AGBL4: variants seen among roughly 807,000 people sequenced by gnomAD.
AGBL4 encodes cytosolic carboxypeptidase 6.
Under a neutral mutation model 66.4 loss-of-function variants are expected in AGBL4, and 58 were observed. The ratio of observed to expected loss-of-function variants is 0.87; its 90% confidence interval spans 0.71 to 1.09. AGBL4 has a LOEUF of 1.09. Among genes scored for constraint, AGBL4 ranks in the 50% least tolerant of loss-of-function variants. The pLI, the probability that AGBL4 is intolerant of heterozygous loss-of-function variation, is 0.00. For missense variants in AGBL4, 579 were observed against 631.0 expected, an observed-to-expected ratio of 0.92 and a Z score of 0.88; for synonymous variants, 234 against 222.9, an observed-to-expected ratio of 1.05 and a Z score of -0.44.
chr1:49,612,177 T>C (rs1198979253), intron 3 of AGBL4, among the ~76,000 whole-genome samples: 2 of 152,216 alleles, frequency 1.3e-5, no homozygotes, highest in East Asian at 1.9e-4. Flanking sequence ...ACCTAATCCT[T>C]TAATTTAACA....
intron 2 of AGBL4, among the ~76,000 whole-genome samples, chr1:49,748,062 G>C (rs1295074493): frequency 6.6e-6 from 1 of 151,938 alleles, no homozygotes; most frequent in African/African-American, 2.4e-5. Context: ...TGCAGAACGT[G>C]CAAGTTTGTT....
At chr1:48,789,211 G>A (rs1645478546) in intron 6 of AGBL4, among the ~76,000 whole-genome samples, 1 of 151,882 alleles carries the variant, frequency 6.6e-6, no homozygotes, top group Non-Finnish European at 1.5e-5. Flanking sequence ...TCATCCACTG[G>A]GTGTGTTAAT....
chr1:48,631,316 G>A, intron 9 of AGBL4, among the ~76,000 whole-genome samples: 1 of 152,202 alleles, frequency 6.6e-6, no homozygotes, highest in East Asian at 1.9e-4. Flanking sequence ...AGTCAAATGT[G>A]AATTTGAATC....
chr1:49,039,415 G>A (rs1442355117), intron 5 of AGBL4, among the ~76,000 whole-genome samples: 1 of 152,082 alleles, frequency 6.6e-6, no homozygotes, highest in African/African-American at 2.4e-5. Context: ...GTTAATAACA[G>A]GAGAGGCTAT....
At chr1:48,898,326 T>C (rs1651741222) in intron 5 of AGBL4, among the ~76,000 whole-genome samples, 2 of 152,216 alleles carry the variant, frequency 1.3e-5, no homozygotes, top group South Asian at 4.1e-4. Context: ...CATTTGTCTG[T>C]TTTTGCTTTG....
chr1:49,572,998 T>C (rs564059437), intron 3 of AGBL4, among the ~76,000 whole-genome samples: 1 of 152,290 alleles, frequency 6.6e-6, no homozygotes, highest in South Asian at 2.1e-4. Flanking sequence ...CCCTTGAACA[T>C]CAGACTCCAA....
intron 7 of AGBL4, among the ~76,000 whole-genome samples, chr1:48,660,842 C>CTG (rs33987608): frequency 0.52 from 78,397 of 151,846 alleles, 21,282 homozygotes; most frequent in Middle Eastern, 0.65. Flanking sequence ...GATCAGAACT[C>CTG]AGTTCTTTCA....
At chr1:49,917,552 T>C (rs558504315) in intron 1 of AGBL4, among the ~76,000 whole-genome samples, 6 of 152,216 alleles carry the variant, frequency 3.9e-5, no homozygotes, top group African/African-American at 1.4e-4. Context: ...AATATATATG[T>C]GCCCATTACA....
intron 3 of AGBL4, among the ~76,000 whole-genome samples, chr1:49,520,555 A>C (rs2148799155): frequency 6.6e-6 from 1 of 152,150 alleles, no homozygotes; most frequent in South Asian, 2.1e-4. Context: ...CTTTACCCTG[A>C]ACTTTGAATA....
At chr1:49,692,803 T>A (rs963872223) in intron 3 of AGBL4, among the ~76,000 whole-genome samples, 23 of 152,234 alleles carry the variant, frequency 1.5e-4, no homozygotes, top group Admixed American at 7.2e-4. Context: ...TATGTGTGCA[T>A]GTGTATGTTT....
At chr1:49,797,030 T>C (rs1644748095) in intron 2 of AGBL4, among the ~76,000 whole-genome samples, 1 of 152,172 alleles carries the variant, frequency 6.6e-6, no homozygotes, top group Non-Finnish European at 1.5e-5. Flanking sequence ...TGTGTTATCC[T>C]TATAAGAAAT....
chr1:49,086,115 C>T (rs1557628864), intron 4 of AGBL4, among the ~76,000 whole-genome samples: 1 of 152,190 alleles, frequency 6.6e-6, no homozygotes, highest in Non-Finnish European at 1.5e-5. Flanking sequence ...GGTGACCACC[C>T]CCTACCCCAA....
chr1:49,499,791 T>C (rs1402818405), intron 3 of AGBL4, among the ~76,000 whole-genome samples: 2 of 151,792 alleles, frequency 1.3e-5, no homozygotes, highest in Non-Finnish European at 2.9e-5. Context: ...TTGATGGGCA[T>C]TTAGGCTGGT....
intron 4 of AGBL4, among the ~76,000 whole-genome samples, chr1:49,105,751 G>A (rs566104984): frequency 6.6e-6 from 1 of 152,250 alleles, no homozygotes; most frequent in Non-Finnish European, 1.5e-5. Flanking sequence ...CCTCATAAGA[G>A]TACCTAATTC....
chr1:48,966,721 CT>C (rs995866049), intron 5 of AGBL4, among the ~76,000 whole-genome samples: 13 of 149,290 alleles, frequency 8.7e-5, no homozygotes, highest in Non-Finnish European at 1.5e-4. Flanking sequence ...CTGTAAGAGA[CT>C]TTTTTTTTTC....
intron 4 of AGBL4, among the ~76,000 whole-genome samples, chr1:49,135,457 A>G (rs1645991988): frequency 6.6e-6 from 1 of 152,096 alleles, no homozygotes; most frequent in Non-Finnish European, 1.5e-5. Context: ...AGAAATATAG[A>G]GGTGTGAAGT....
chr1:49,411,470 G>A (rs1645313758), intron 3 of AGBL4, among the ~76,000 whole-genome samples: 1 of 152,106 alleles, frequency 6.6e-6, no homozygotes, highest in African/African-American at 2.4e-5. Flanking sequence ...ACAATACTTT[G>A]CCAGTTATCT....
At chr1:50,012,427 T>G (rs535344291) in intron 1 of AGBL4, among the ~76,000 whole-genome samples, 8 of 152,254 alleles carry the variant, frequency 5.3e-5, no homozygotes, top group Admixed American at 2.0e-4. Flanking sequence ...TGTTTCACAT[T>G]GCATGCGTAT....
intron 3 of AGBL4, among the ~76,000 whole-genome samples, chr1:49,460,348 C>T (rs1646484442): frequency 6.6e-6 from 1 of 151,616 alleles, no homozygotes; most frequent in African/African-American, 2.4e-5. Flanking sequence ...TGATGTCCCT[C>T]TTTGCCTTCT....
Sources: gnomAD v4.1 joint callset for allele counts (sites outside exome capture counted in the v4.1 genomes callset) on GRCh38, gnomAD v4.1.1 for gene constraint, MANE v1.5 for transcripts, NCBI Gene and HGNC (gene_info 2026-07-23, HGNC 2026-07-21) for gene names.